ACOXL: variants seen among roughly 807,000 people sequenced by gnomAD.
The protein encoded by ACOXL is acyl-coenzyme A oxidase-like protein.
Under a neutral mutation model 71.9 loss-of-function variants are expected in ACOXL, and 70 were observed. The ratio of observed to expected loss-of-function variants is 0.97; its 90% CI spans 0.80 to 1.19. ACOXL has a LOEUF of 1.19. Ranked by LOEUF, ACOXL falls within the 50% of genes most tolerant of loss-of-function variation. The pLI is 0.00. For missense variants in ACOXL, 703 were observed against 736.3 expected (o/e 0.95, Z 0.52); for synonymous variants, 253 against 281.6 (o/e 0.90, Z 1.02).
intron 1 of ACOXL, among the ~76,000 whole-genome samples, chr2:110,747,892 C>G (rs896029921): frequency 1.3e-5 from 2 of 152,172 alleles, no homozygotes; most frequent in Admixed American, 1.3e-4. Flanking sequence ...CCCATTCTCT[C>G]CTCCTGGGGG....
intron 16 of ACOXL, among the ~76,000 whole-genome samples, chr2:111,059,865 T>G (rs972150024): frequency 4.5e-5 from 6 of 132,934 alleles, no homozygotes; most frequent in African/African-American, 8.6e-5. Flanking sequence ...AGGAGGTAAA[T>G]GAGGAGGAGG....
intron 16 of ACOXL, among the ~76,000 whole-genome samples, chr2:111,057,791 A>T (rs943383372): frequency 6.6e-6 from 1 of 152,248 alleles, no homozygotes; most frequent in Admixed American, 6.5e-5. Flanking sequence ...GAGCGCACAG[A>T]TGGCAGCAGT....
intron 2 of ACOXL, 53 bp downstream of exon 2, chr2:110,768,517 A>C: frequency 1.0e-6 from 1 of 961,428 alleles, no homozygotes; most frequent in Non-Finnish European, 1.4e-6. Flanking sequence ...TGTGTGTGAG[A>C]GAGAGAGAGA....
intron 11 of ACOXL, among the ~76,000 whole-genome samples, chr2:110,920,418 T>C (rs1272243158): frequency 6.6e-6 from 1 of 152,194 alleles, no homozygotes; most frequent in East Asian, 1.9e-4. Flanking sequence ...AGTTTTTCAG[T>C]TGAGTTGTTT....
intron 9 of ACOXL, among the ~76,000 whole-genome samples, chr2:110,806,423 T>TA (rs1686650771): frequency 6.6e-6 from 1 of 152,164 alleles, no homozygotes. Context: ...AACTGTCTGA[T>TA]ATTGAATGAG....
intron 8 of ACOXL, among the ~76,000 whole-genome samples, chr2:110,804,970 A>T (rs1686448281): frequency 6.6e-6 from 1 of 152,216 alleles, no homozygotes; most frequent in Non-Finnish European, 1.5e-5. Flanking sequence ...ATTTTATGGC[A>T]TGTGAATTAC....
At chr2:110,943,301 AAGAG>A (rs2060964960) in intron 12 of ACOXL, among the ~76,000 whole-genome samples, 1 of 145,612 alleles carries the variant, frequency 6.9e-6, no homozygotes, top group Non-Finnish European at 1.6e-5. Flanking sequence ...AAGGAGAAAG[AAGAG>A]AGAAAGAGAA....
chr2:111,089,802 T>A (rs972507942), intron 16 of ACOXL, among the ~76,000 whole-genome samples: 1 of 152,230 alleles, frequency 6.6e-6, no homozygotes, highest in Non-Finnish European at 1.5e-5. Flanking sequence ...GCTTTGCATG[T>A]AAAAGTATAG....
chr2:110,810,074 G>GGTGTCAGA (rs1687126577), intron 9 of ACOXL, among the ~76,000 whole-genome samples: 1 of 152,210 alleles, frequency 6.6e-6, no homozygotes, highest in Admixed American at 6.5e-5. Flanking sequence ...CAGATCAGCA[G>GGTGTCAGA]GTGTCAGAGT....
At chr2:110,796,547 G>A (rs1685303165) in intron 5 of ACOXL, among the ~76,000 whole-genome samples, 1 of 152,180 alleles carries the variant, frequency 6.6e-6, no homozygotes, top group African/African-American at 2.4e-5. Flanking sequence ...ATGGGGACGG[G>A]TGGCCTTCTG....
At chr2:111,058,362 G>A (rs184172824) in intron 16 of ACOXL, among the ~76,000 whole-genome samples, 16 of 152,282 alleles carry the variant, frequency 1.1e-4, no homozygotes, top group Non-Finnish European at 2.9e-5. Flanking sequence ...GAATTACCAG[G>A]TGTCTAGGGG....
chr2:111,033,132 C>T (rs932111814), intron 15 of ACOXL, among the ~76,000 whole-genome samples: 3 of 152,190 alleles, frequency 2.0e-5, no homozygotes, highest in African/African-American at 7.2e-5. Flanking sequence ...ACCATGACCG[C>T]ATTGGCCTTC....
intron 9 of ACOXL, among the ~76,000 whole-genome samples, chr2:110,823,643 G>A (rs1327420002): frequency 6.6e-6 from 1 of 152,222 alleles, no homozygotes; most frequent in Non-Finnish European, 1.5e-5. Context: ...GTCAGTGTTT[G>A]AGATTTTAGC....
chr2:111,044,724 C>A (rs547664865), intron 15 of ACOXL, among the ~76,000 whole-genome samples: 2 of 152,300 alleles, frequency 1.3e-5, no homozygotes, highest in African/African-American at 4.8e-5. Context: ...ATTCTAGGTG[C>A]AACCATTTCC....
intron 15 of ACOXL, 75 bp downstream of exon 15, chr2:111,031,789 AG>A: frequency 6.9e-7 from 1 of 1,451,612 alleles, no homozygotes; most frequent in Non-Finnish European, 9.7e-7. Flanking sequence ...ACAGCTCTGC[AG>A]GGAAAGGACA....
At chr2:111,001,219 T>C (rs984658323) in intron 14 of ACOXL, among the ~76,000 whole-genome samples, 1 of 152,160 alleles carries the variant, frequency 6.6e-6, no homozygotes, top group African/African-American at 2.4e-5. Flanking sequence ...GATTTGTGGG[T>C]GTGGCTTTTG....
At chr2:110,960,143 T>G (rs1292057800) in intron 12 of ACOXL, among the ~76,000 whole-genome samples, 1 of 152,136 alleles carries the variant, frequency 6.6e-6, no homozygotes, top group Non-Finnish European at 1.5e-5. Flanking sequence ...CATGGAGGTC[T>G]GAGGGGAGTG....
chr2:111,029,298 G>A (rs1393157695), intron 14 of ACOXL, among the ~76,000 whole-genome samples: 2 of 152,148 alleles, frequency 1.3e-5, no homozygotes, highest in African/African-American at 4.8e-5. Context: ...GTTGATTTCT[G>A]TTGTTTCACA....
intron 15 of ACOXL, among the ~76,000 whole-genome samples, chr2:111,034,085 C>T (rs957094065): frequency 6.6e-6 from 1 of 152,196 alleles, no homozygotes; most frequent in Non-Finnish European, 1.5e-5. Flanking sequence ...TCACCAGGTT[C>T]AGATCCCGGC....
Sources: allele counts gnomAD v4.1 joint callset (sites outside exome capture counted in the v4.1 genomes callset), GRCh38; gene constraint gnomAD v4.1.1; transcripts MANE v1.5; gene names NCBI Gene and HGNC (gene_info 2026-07-23, HGNC 2026-07-21).